SYTL3: variants seen among roughly 807,000 people sequenced by gnomAD.
The protein encoded by SYTL3 is synaptotagmin-like protein 3.
SYTL3 carries 88 observed loss-of-function variants against 82.1 expected under a neutral mutation model. The ratio of observed to expected loss-of-function variants is 1.07; its 90% CI spans 0.90 to 1.28. The LOEUF is 1.28. Among genes scored for constraint, SYTL3 ranks in the 50% most tolerant of loss-of-function variants. The pLI, the probability that SYTL3 is intolerant of heterozygous loss-of-function variation, is 0.00. For missense variants in SYTL3, 831 were observed against 757.6 expected, an observed-to-expected ratio of 1.10 and a Z score of -1.14; for synonymous variants, 311 against 289.4, an observed-to-expected ratio of 1.07 and a Z score of -0.76.
In SYTL3 at chr6:158,760,730, C is replaced by T; in HGVS notation, c.1399C>T (p.Gln467Ter). 1 of 1,613,860 alleles carries T rather than the reference C, an allele frequency of 6.2e-7. No individual in the cohort carries two copies. The highest frequency in any genetic ancestry group is 1.3e-5 in the African/African-American group (1 of 75,052). Residue 467 changes from glutamine (Q) to a stop codon, truncating the protein, a stop_gained, in exon 15 of 18, where the codon CAA becomes TAA. Transcript: ENST00000611299. LOFTEE classifies it high-confidence loss of function. ...TCTCCCTTCACGGCCCAGAAAACTC[C>T]AAGAGGCTCAAGAAGGTCAGTGGCC... is the stretch of plus-strand genomic sequence containing the variant. ...LVLPSRPRKL[Q>*]EAQEGTDQPS... is the part of the protein sequence containing the mutation.
At chr6:158,763,535 C>A (rs1373177629) in intron 17 of SYTL3, 26 bp downstream of exon 17, 1 of 1,591,640 alleles carries the variant, frequency 6.3e-7, no homozygotes, top group East Asian at 2.2e-5. Flanking sequence ...TGAGCCCAAA[C>A]GTTTATACTT....
At chr6:158,697,945 G>C (rs1780740194) in intron 6 of SYTL3, among the ~76,000 whole-genome samples, 1 of 152,196 alleles carries the variant, frequency 6.6e-6, no homozygotes, top group Admixed American at 6.5e-5. Flanking sequence ...GATGCTTCTT[G>C]TCCACAGGAT....
At chr6:158,710,226 G>A (rs369461792) in intron 8 of SYTL3, among the ~76,000 whole-genome samples, 2 of 152,168 alleles carry the variant, frequency 1.3e-5, no homozygotes, top group South Asian at 2.1e-4. Context: ...GGGAAGTGTA[G>A]AAATACACAT....
At chr6:158,701,248 A>AGGAGTGTGAGCTGGGGTGTAGATGAG (rs1781212482) in intron 6 of SYTL3, among the ~76,000 whole-genome samples, 1 of 12,258 alleles carries the variant, frequency 8.2e-5, no homozygotes. Flanking sequence ...GTGTAGATGA[A>AGGAGTGTGAGCTGGGGTGTAGATGAG]GGAGTGTGAG....
chr6:158,700,859 GCCCTCCTTGGCCT>G (rs1232942578), intron 6 of SYTL3, among the ~76,000 whole-genome samples: 3 of 151,822 alleles, frequency 2.0e-5, no homozygotes, highest in Non-Finnish European at 4.4e-5. Context: ...CTCATGATCT[GCCCTCCTTGGCCT>G]CCCAAGGTGC....
intron 11 of SYTL3, among the ~76,000 whole-genome samples, chr6:158,729,640 C>T (rs1211109353): frequency 6.8e-6 from 1 of 148,026 alleles, no homozygotes; most frequent in Non-Finnish European, 1.5e-5. Flanking sequence ...GATCTCAGCT[C>T]ACTGCAAGCT....
intron 5 of SYTL3, among the ~76,000 whole-genome samples, chr6:158,673,575 G>T (rs1018889505): frequency 6.6e-6 from 1 of 151,600 alleles, no homozygotes; most frequent in African/African-American, 2.4e-5. Flanking sequence ...GAGTAGCTGG[G>T]ACTACAGGCG....
At chr6:158,726,340 C>A (rs1052627347) in intron 11 of SYTL3, 1 of 363,716 alleles carries the variant, frequency 2.7e-6, no homozygotes, top group South Asian at 2.7e-5. Context: ...TTCAAGATGT[C>A]CCCTGCATGA....
At chr6:158,651,563 G>A (rs1161749634) in intron 1 of SYTL3, among the ~76,000 whole-genome samples, 190 bp from the exon 2 acceptor site, 4 of 151,942 alleles carry the variant, frequency 2.6e-5, no homozygotes, top group Non-Finnish European at 5.9e-5. Flanking sequence ...ACTCCAGCCT[G>A]GTGACAGAGC....
intron 11 of SYTL3, among the ~76,000 whole-genome samples, chr6:158,744,720 A>G (rs1261034737): frequency 6.6e-6 from 1 of 152,194 alleles, no homozygotes; most frequent in Non-Finnish European, 1.5e-5. Flanking sequence ...CTTCCTATAA[A>G]AAGGCAGCAC....
chr6:158,684,945 T>G (rs1228012769), intron 6 of SYTL3, among the ~76,000 whole-genome samples: 1 of 152,150 alleles, frequency 6.6e-6, no homozygotes. Context: ...TCTCAACAGC[T>G]TCTTACCGCC....
chr6:158,656,703 C>T (rs1435380935), intron 2 of SYTL3, among the ~76,000 whole-genome samples: 2 of 151,396 alleles, frequency 1.3e-5, no homozygotes, highest in Middle Eastern at 3.4e-3. Flanking sequence ...CCAGCCTGGG[C>T]GACAGAGCGA....
intron 5 of SYTL3, 109 bp from the exon 6 acceptor site, chr6:158,682,816 T>A: frequency 1.4e-6 from 1 of 732,536 alleles, no homozygotes; most frequent in South Asian, 1.7e-5. Context: ...ATTGCTGAGG[T>A]CCATTGCAAG....
At chr6:158,696,310 G>C (rs559134419) in intron 6 of SYTL3, among the ~76,000 whole-genome samples, 1 of 151,176 alleles carries the variant, frequency 6.6e-6, no homozygotes, top group Non-Finnish European at 1.5e-5. Flanking sequence ...AGCGATTCCC[G>C]TGTCTCAGCC....
At chr6:158,688,151 C>T (rs1779485148) in intron 6 of SYTL3, among the ~76,000 whole-genome samples, 1 of 152,160 alleles carries the variant, frequency 6.6e-6, no homozygotes, top group East Asian at 1.9e-4. Context: ...AATATATGCA[C>T]TATAGTTTAT....
upstream of SYTL3, among the ~76,000 whole-genome samples, chr6:158,646,113 A>G (rs373835593): frequency 6.6e-6 from 1 of 152,246 alleles, no homozygotes; most frequent in East Asian, 1.9e-4. Context: ...CATAATAGCT[A>G]CACAATTAAC....
intron 15 of SYTL3, among the ~76,000 whole-genome samples, chr6:158,761,829 C>T (rs1290601821): frequency 6.6e-6 from 1 of 152,166 alleles, no homozygotes; most frequent in Non-Finnish European, 1.5e-5. Flanking sequence ...TTCCTCTTTA[C>T]TCTTTTCTAG....
At chr6:158,702,283 G>A (rs1020204378) in intron 6 of SYTL3, among the ~76,000 whole-genome samples, 1 of 145,860 alleles carries the variant, frequency 6.9e-6, no homozygotes, top group Non-Finnish European at 1.5e-5. Flanking sequence ...CCAAGATCGC[G>A]CTATTGTACT....
chr6:158,650,825 C>T (rs1354350282), intron 1 of SYTL3, among the ~76,000 whole-genome samples: 2 of 151,288 alleles, frequency 1.3e-5, no homozygotes, highest in African/African-American at 4.9e-5. Flanking sequence ...GTGGCAGGCA[C>T]CTGTAATCCC....
Sources: allele counts gnomAD v4.1 joint callset (sites outside exome capture counted in the v4.1 genomes callset), GRCh38; gene constraint gnomAD v4.1.1; transcripts MANE v1.5; gene names NCBI Gene and HGNC (gene_info 2026-07-23, HGNC 2026-07-21).